The following ROBO2 variants were observed in gnomAD, a reference collection of about 807,000 sequenced individuals.
ROBO2 encodes roundabout guidance receptor 2.
Under a neutral mutation model 160.8 loss-of-function variants are expected in ROBO2, and 53 were observed. That is an observed-to-expected ratio of 0.33 (90% CI 0.26 to 0.41). The LOEUF (loss-of-function observed/expected upper bound fraction) is 0.41, where lower values mean the gene tolerates loss of function less well. ROBO2 is among the 10% of genes least tolerant of loss of function. The pLI, the probability that ROBO2 is intolerant of heterozygous loss-of-function variation, is 1.00. For synonymous variants in ROBO2, 664 were observed against 611.7 expected (o/e 1.09, Z -1.26); for missense variants, 1,577 against 1,722.4 (o/e 0.92, Z 1.49).
chr3:76,845,677 GTGCTTTATACTTTCTTCAATCA>G (rs2068711247), intron 2 of ROBO2, among the ~76,000 whole-genome samples: 1 of 151,948 alleles, frequency 6.6e-6, no homozygotes, highest in African/African-American at 2.4e-5. Context: ...TTTCTCTGCA[GTGCTTTATACTTTCTTCAATCA>G]TGCTTACACA....
At chr3:76,726,146 T>C (rs1458969851) in intron 2 of ROBO2, among the ~76,000 whole-genome samples, 2 of 152,088 alleles carry the variant, frequency 1.3e-5, no homozygotes, top group Non-Finnish European at 2.9e-5. Context: ...CTCACTTCTT[T>C]TTGCTTTTTC....
chr3:77,602,694 G>T (rs879525242), intron 20 of ROBO2, among the ~76,000 whole-genome samples: 4 of 53,866 alleles, frequency 7.4e-5, no homozygotes, highest in African/African-American at 1.5e-4. Flanking sequence ...CACCACCGCC[G>T]CCGCCACCAC....
chr3:77,581,472 T>C (rs1010557355), intron 16 of ROBO2, among the ~76,000 whole-genome samples: 4 of 152,124 alleles, frequency 2.6e-5, no homozygotes, highest in African/African-American at 9.6e-5. Flanking sequence ...GTAACTGCAA[T>C]GTGGTTAAAG....
chr3:77,059,238 C>A (rs968329019), intron 1 of ROBO2, among the ~76,000 whole-genome samples: 4 of 152,088 alleles, frequency 2.6e-5, no homozygotes, highest in Non-Finnish European at 4.4e-5. Flanking sequence ...CCGAAGTGGA[C>A]AGGGATTGGA....
chr3:75,958,479 A>G (rs1948795152), intron 2 of ROBO2, among the ~76,000 whole-genome samples: 2 of 151,760 alleles, frequency 1.3e-5, no homozygotes, highest in South Asian at 4.1e-4. Flanking sequence ...CTAATGAAGG[A>G]AAATGTGGCA....
At chr3:76,534,161 G>A (rs759435883) in intron 2 of ROBO2, among the ~76,000 whole-genome samples, 2 of 152,044 alleles carry the variant, frequency 1.3e-5, no homozygotes, top group Middle Eastern at 3.2e-3. Flanking sequence ...TGCTTCAAGC[G>A]TAACCAGGGA....
At chr3:76,479,602 A>C (rs1231881341) in intron 2 of ROBO2, among the ~76,000 whole-genome samples, 1 of 152,218 alleles carries the variant, frequency 6.6e-6, no homozygotes, top group Admixed American at 6.6e-5. Flanking sequence ...GAAAGCAAAC[A>C]TTTATAGAGT....
At chr3:77,078,572 C>G (rs1333631597) in intron 1 of ROBO2, among the ~76,000 whole-genome samples, 1 of 152,316 alleles carries the variant, frequency 6.6e-6, no homozygotes, top group East Asian at 1.9e-4. Flanking sequence ...GTTTGCATGT[C>G]TGATCTCATT....
chr3:77,538,378 T>A (rs1451278526), intron 6 of ROBO2, among the ~76,000 whole-genome samples: 1 of 151,720 alleles, frequency 6.6e-6, no homozygotes, highest in East Asian at 1.9e-4. Flanking sequence ...GGGGTTTCAC[T>A]GTGTTAGCCA....
intron 2 of ROBO2, among the ~76,000 whole-genome samples, chr3:76,195,291 C>T (rs1702209447): frequency 6.6e-6 from 1 of 152,048 alleles, no homozygotes; most frequent in African/African-American, 2.4e-5. Context: ...GTAGTTAAGC[C>T]ATTATAAAAT....
chr3:76,601,575 TG>T (rs2087144380), intron 2 of ROBO2, among the ~76,000 whole-genome samples: 1 of 152,192 alleles, frequency 6.6e-6, no homozygotes, highest in South Asian at 2.1e-4. Context: ...AGCTGTACCT[TG>T]GCCCCTTTTA....
chr3:76,311,470 T>C (rs1045910989), intron 2 of ROBO2: 1 of 152,192 alleles, frequency 6.6e-6, no homozygotes, highest in Non-Finnish European at 1.5e-5. Flanking sequence ...GCAAGGCCAG[T>C]TACTGCTAAC....
intron 2 of ROBO2, among the ~76,000 whole-genome samples, chr3:76,104,684 C>T (rs1489635967): frequency 3.9e-5 from 6 of 152,138 alleles, no homozygotes; most frequent in Non-Finnish European, 8.8e-5. Context: ...CACACATTTT[C>T]AGTGAAATCT....
At chr3:76,248,328 C>A (rs1426749720) in intron 2 of ROBO2, among the ~76,000 whole-genome samples, 5 of 151,914 alleles carry the variant, frequency 3.3e-5, no homozygotes, top group African/African-American at 1.2e-4. Flanking sequence ...ATGATGAGTT[C>A]ATGTCCTTTG....
At chr3:76,604,322 A>G (rs900902080) in intron 2 of ROBO2, among the ~76,000 whole-genome samples, 2 of 152,182 alleles carry the variant, frequency 1.3e-5, no homozygotes, top group Non-Finnish European at 2.9e-5. Context: ...TCAGCTAAAA[A>G]GATTTTCTTT....
chr3:77,342,943 C>T (rs781096493), intron 2 of ROBO2, among the ~76,000 whole-genome samples: 13 of 152,116 alleles, frequency 8.5e-5, no homozygotes, highest in South Asian at 2.1e-4. Context: ...TCCTGGAGGC[C>T]GCAAGCCTGA....
intron 2 of ROBO2, among the ~76,000 whole-genome samples, chr3:76,820,164 A>G (rs2065994615): frequency 6.6e-6 from 1 of 152,084 alleles, no homozygotes; most frequent in Non-Finnish European, 1.5e-5. Context: ...GATTTGAAGC[A>G]TCACAATTTC....
chr3:77,250,101 C>T (rs2090174544), intron 2 of ROBO2, among the ~76,000 whole-genome samples: 1 of 152,058 alleles, frequency 6.6e-6, no homozygotes, highest in South Asian at 2.1e-4. Context: ...ACTTTAAAAC[C>T]TCCTACCTAG....
chr3:77,203,049 ATGG>A (rs1351510330), intron 2 of ROBO2, among the ~76,000 whole-genome samples: 1 of 152,184 alleles, frequency 6.6e-6, no homozygotes, highest in Non-Finnish European at 1.5e-5. Context: ...ATATCAAGTC[ATGG>A]TGTAAAGTCA....
Sources: allele counts gnomAD v4.1 joint callset (sites outside exome capture counted in the v4.1 genomes callset), GRCh38; gene constraint gnomAD v4.1.1; transcripts MANE v1.5; gene names NCBI Gene and HGNC (gene_info 2026-07-23, HGNC 2026-07-21).